The following ANXA6 variants were observed in gnomAD, a reference collection of about 807,000 sequenced individuals.
ANXA6 encodes 67 kDa calelectrin.
Under a neutral mutation model 95.4 loss-of-function variants are expected in ANXA6, and 71 were observed. That is an observed-to-expected ratio of 0.74 (90% CI 0.61 to 0.91). The LOEUF (loss-of-function observed/expected upper bound fraction) is 0.91, where lower values mean the gene tolerates loss of function less well. Ranked by LOEUF, ANXA6 falls within the 40% of genes least tolerant of loss-of-function variation. The pLI, the probability that ANXA6 is intolerant of heterozygous loss-of-function variation, is 0.00. For synonymous variants in ANXA6, 289 were observed against 315.9 expected (o/e 0.91, Z 0.90); for missense variants, 830 against 876.4 (o/e 0.95, Z 0.67).
At chr5:151,130,856 T>G (rs1765491588) in intron 11 of ANXA6, among the ~76,000 whole-genome samples, 1 of 152,248 alleles carries the variant, frequency 6.6e-6, no homozygotes, top group South Asian at 2.1e-4. Flanking sequence ...AGAGTGGAAC[T>G]GTCACAGGGT....
At chr5:151,124,536 TGAGAGA>T (rs56708608) in intron 14 of ANXA6, among the ~76,000 whole-genome samples, 169 bp from the exon 15 acceptor site, 3 of 146,836 alleles carry the variant, frequency 2.0e-5, no homozygotes, top group Non-Finnish European at 3.0e-5. Context: ...GCACGAGAGC[TGAGAGA>T]GAGAGAGAGA....
intron 17 of ANXA6, among the ~76,000 whole-genome samples, chr5:151,120,587 C>T (rs1007625746): frequency 6.6e-6 from 1 of 152,012 alleles, no homozygotes; most frequent in Non-Finnish European, 1.5e-5. Context: ...GTCGTGGTGG[C>T]GTGCGCCTGT....
chr5:151,126,309 CA>C, intron 14 of ANXA6, 92 bp downstream of exon 14: 1 of 1,132,386 alleles, frequency 8.8e-7, no homozygotes, highest in South Asian at 1.3e-5. Context: ...GGTTGGCCGC[CA>C]GGGGGCAGCT....
intron 14 of ANXA6, among the ~76,000 whole-genome samples, chr5:151,125,065 G>C (rs1487797049): frequency 6.6e-6 from 1 of 152,166 alleles, no homozygotes; most frequent in South Asian, 2.1e-4. Context: ...ATTGTTAAGT[G>C]GATTAATGAG....
At chr5:151,126,365 G>T in intron 14 of ANXA6, 37 bp downstream of exon 14, 1 of 1,554,156 alleles carries the variant, frequency 6.4e-7, no homozygotes, top group South Asian at 1.2e-5. Flanking sequence ...GAGAAGCTGT[G>T]GTCAAGAGGT....
intron 20 of ANXA6, among the ~76,000 whole-genome samples, chr5:151,115,380 C>G (rs764119988): frequency 1.6e-4 from 24 of 152,092 alleles, no homozygotes; most frequent in Admixed American, 6.5e-5. Flanking sequence ...GAGAAGCAGC[C>G]GAGTTGGGCA....
intron 12 of ANXA6, chr5:151,128,456 G>A: frequency 1.9e-6 from 1 of 537,864 alleles, no homozygotes; most frequent in Non-Finnish European, 3.4e-6. Flanking sequence ...TTTCTGTGGT[G>A]TAAATACTTC....
chr5:151,126,299 G>T, intron 14 of ANXA6, 103 bp downstream of exon 14: 1 of 943,210 alleles, frequency 1.1e-6, no homozygotes, highest in Non-Finnish European at 1.7e-6. Flanking sequence ...CAACGTGTCG[G>T]GTTGGCCGCC....
chr5:151,129,354 G>A, intron 12 of ANXA6, 53 bp downstream of exon 12: 1 of 1,606,394 alleles, frequency 6.2e-7, no homozygotes. Flanking sequence ...CAAGCCCTCT[G>A]TCTTGGCAAA....
intron 15 of ANXA6, 34 bp downstream of exon 15, chr5:151,124,252 G>C: frequency 6.2e-7 from 1 of 1,603,310 alleles, no homozygotes; most frequent in Middle Eastern, 1.7e-4. Context: ...TGCTGCCCTG[G>C]AGACCAACCC....
chr5:151,149,179 C>CAAAAA (rs36120948), intron 1 of ANXA6, among the ~76,000 whole-genome samples: 10 of 47,204 alleles, frequency 2.1e-4, no homozygotes, highest in East Asian at 6.0e-4. Context: ...AGCCCTGTCT[C>CAAAAA]AAAAAAAAAA....
intron 20 of ANXA6, among the ~76,000 whole-genome samples, chr5:151,116,674 A>G (rs1326023917): frequency 6.6e-6 from 1 of 152,212 alleles, no homozygotes; most frequent in Non-Finnish European, 1.5e-5. Flanking sequence ...CTTACTTTCT[A>G]GGCTCGTCCC....
chr5:151,144,579 G>A (rs1303431861), intron 2 of ANXA6, among the ~76,000 whole-genome samples: 4 of 152,108 alleles, frequency 2.6e-5, no homozygotes, highest in East Asian at 1.9e-4. Context: ...GAGGCAGCAC[G>A]CAGACCCCAA....
At chr5:151,119,474 A>G in intron 17 of ANXA6, 84 bp from the exon 18 acceptor site, 2 of 1,187,920 alleles carry the variant, frequency 1.7e-6, no homozygotes, top group Non-Finnish European at 2.5e-6. Context: ...GCTAAAGCTC[A>G]GGCCAAGCAT....
chr5:151,151,982 T>G, intron 1 of ANXA6, among the ~76,000 whole-genome samples: 1 of 152,214 alleles, frequency 6.6e-6, no homozygotes, highest in Non-Finnish European at 1.5e-5. Context: ...ACCCCTTGCC[T>G]CATCCTTTTG....
In ANXA6 at chr5:151,122,195, C is replaced by T; in HGVS notation, c.1299G>A (p.Met433Ile). ...TGGCATCGTAATGGGCCGGTGGCAT[C>T]ATGAGCCCCAGAATCAGCCTTGCCA... ...GDLARLILGL[M>I]MPPAHYDAKQ... The change falls in exon 17 of 26, where the codon ATG becomes ATA. Residue 433 changes from methionine to isoleucine, a missense_variant. By Grantham distance (10) the Met-to-Ile change is conservative. Coordinates refer to ENST00000354546, the MANE Select transcript of ANXA6 (RefSeq NM_001155.5). The T allele has an allele frequency of 4.4e-6, 7 of 1,603,090 alleles. No homozygotes were observed. The highest frequency in any genetic ancestry group is 6.0e-6 in the Non-Finnish European group (7 of 1,176,052).
At chr5:151,103,809 A>G (rs1477609439) in intron 24 of ANXA6, 117 bp from the exon 25 acceptor site, 30 of 1,253,236 alleles carry the variant, frequency 2.4e-5, no homozygotes, top group Admixed American at 6.2e-5. Context: ...AACAGGGCGG[A>G]TGTTCCACCT....
chr5:151,123,607 C>T (rs1365312984), intron 15 of ANXA6, among the ~76,000 whole-genome samples: 1 of 152,160 alleles, frequency 6.6e-6, no homozygotes, highest in Non-Finnish European at 1.5e-5. Flanking sequence ...CAGTCCCAGG[C>T]GAGCTTGGCA....
intron 4 of ANXA6, 127 bp from the exon 5 acceptor site, chr5:151,138,918 C>A: frequency 1.4e-6 from 1 of 706,518 alleles, no homozygotes. Flanking sequence ...AAATCATCAC[C>A]CTTGGAGGTA....
Sources: allele counts gnomAD v4.1 joint callset (sites outside exome capture counted in the v4.1 genomes callset), GRCh38; gene constraint gnomAD v4.1.1; transcripts MANE v1.5; gene names NCBI Gene and HGNC (gene_info 2026-07-23, HGNC 2026-07-21).